The following EIF2B4 variants were observed in gnomAD, a reference collection of about 807,000 sequenced individuals.
EIF2B4 encodes eukaryotic translation initiation factor 2B subunit delta.
Under a neutral mutation model 66.7 loss-of-function variants are expected in EIF2B4, and 34 were observed. That is an observed-to-expected ratio of 0.51 (90% CI 0.39 to 0.68). The LOEUF (loss-of-function observed/expected upper bound fraction) is 0.68. Ranked by LOEUF, EIF2B4 falls within the 30% of genes least tolerant of loss-of-function variation. EIF2B4 has a pLI of 0.00. For missense variants in EIF2B4, 618 were observed against 657.9 expected, an observed-to-expected ratio of 0.94 and a Z score of 0.66; for synonymous variants, 278 against 253.6, an observed-to-expected ratio of 1.10 and a Z score of -0.92.
chr2:27,368,609 A>G (rs1194363349), intron 5 of EIF2B4, 45 bp downstream of exon 5: 1 of 1,611,490 alleles, frequency 6.2e-7, no homozygotes, highest in Non-Finnish European at 8.5e-7. Context: ...CCTCCAGTCC[A>G]TTTCCCTAGG....
chr2:27,367,883 TG>T (rs1157020816), intron 7 of EIF2B4, 61 bp from the exon 8 acceptor site: 3 of 1,560,474 alleles, frequency 1.9e-6, no homozygotes, highest in South Asian at 1.1e-5. Context: ...GAACGGGGGC[TG>T]GGGGTAAGCT....
intron 11 of EIF2B4, chr2:27,365,508 C>G (rs767499733): frequency 2.5e-4 from 38 of 154,596 alleles, no homozygotes; most frequent in Non-Finnish European, 4.0e-4. Flanking sequence ...TCCAGATTAG[C>G]TGGGACTACA....
At position 27,369,516 on chromosome 2, in the gene EIF2B4, G is replaced by T. The variant is rs759503915; in HGVS notation, c.109C>A (p.Leu37Met). The T allele has an allele frequency of 7.4e-6, 12 of 1,614,116 alleles. No homozygotes were observed. The highest frequency in any genetic ancestry group is 9.3e-6 in the Non-Finnish European group (11 of 1,180,036). ...VGREMTKEEK[L>M]QLRKEKKQQK... The stretch of plus-strand genomic sequence containing the variant: ...TGTTTCTTTTCCTTCCGAAGCTGCA[G>T]CTTTTCTTCTTTGGTCATTTCCCTC... The change falls in exon 3 of 13, where the codon CTG becomes ATG. Residue 37 changes from leucine (L) to methionine (M), a missense_variant. By Grantham distance (15) the Leu-to-Met change is conservative. Around this residue, in one of 4 missense-constraint regions of EIF2B4, gnomAD observed 506 missense variants for 511.9 expected, o/e 0.99. Transcript: ENST00000347454.
In EIF2B4 at chr2:27,368,489, A is replaced by G. The variant is rs547695043; in HGVS notation, c.499-26T>C. Reference sequence around the variant, plus strand: ...CTTGACAAAACAAGGGAACAGGACCAATGGCCCAGAGTTTAAAAAGGATGG... The same window carrying G: ...CTTGACAAAACAAGGGAACAGGACCGATGGCCCAGAGTTTAAAAAGGATGG... On this transcript the variant is annotated intron_variant, in intron 5 of 12. Coordinates refer to ENST00000347454, the MANE Select transcript of EIF2B4 (RefSeq NM_001034116.2). 2.2e-5 allele frequency: 35 copies of G among 1,598,540 alleles called. No individual in the cohort carries two copies. In the South Asian group the frequency reaches 3.4e-4, roughly 16 times the overall value.
rs78599355 is a variant in EIF2B4 at position 27,367,171 on chromosome 2, G to C, written c.916C>G (p.Arg306Gly). 0.023 allele frequency: 37,110 copies of C among 1,614,070 alleles called. 539 individuals carry two copies. The highest frequency in any genetic ancestry group is 0.027 in the Non-Finnish European group (32,374 of 1,180,008). ...AGCACAATCTTCTCTTGCACATACC[G>C]ATCAATGGCTGCTCGAAGTTCTGAC... Reference protein sequence around the residue: ...AKSELRAAIDRYVQEKIVLAA... With the variant: ...AKSELRAAIDGYVQEKIVLAA... The change falls in exon 10 of 13, where the codon CGG becomes GGG. Residue 306 changes from arginine to glycine, a missense_variant. By Grantham distance (125) the Arg-to-Gly change is moderately radical. Transcript: ENST00000347454.
chr2:27,366,651 C>T (rs1002749615), intron 11 of EIF2B4, 108 bp downstream of exon 11: 14 of 1,377,126 alleles, frequency 1.0e-5, no homozygotes, highest in Admixed American at 5.1e-5. Context: ...TGCACTCCAT[C>T]CTTATCTCAA....
chr2:27,368,575 A>T (rs1682041586), intron 5 of EIF2B4, 79 bp downstream of exon 5: 1 of 1,584,254 alleles, frequency 6.3e-7, no homozygotes, highest in Non-Finnish European at 8.7e-7. Context: ...TATCCTTCTC[A>T]CTTTGCACCC....
chr2:27,365,317 C>T (rs1245500548), intron 11 of EIF2B4, among the ~76,000 whole-genome samples: 1 of 151,196 alleles, frequency 6.6e-6, no homozygotes, highest in Admixed American at 6.6e-5. Context: ...CTGCCCGCCT[C>T]AGCCACCCAA....
chr2:27,369,681 A>C, intron 2 of EIF2B4, 132 bp from the exon 3 acceptor site: 1 of 1,535,574 alleles, frequency 6.5e-7, no homozygotes, highest in Non-Finnish European at 9.0e-7. Context: ...ACCTGTTGCA[A>C]GCTTACATCC....
chr2:27,370,133 G>T (rs141681782), intron 1 of EIF2B4, 151 bp downstream of exon 1: 2 of 1,524,878 alleles, frequency 1.3e-6, no homozygotes, highest in Admixed American at 4.1e-5. Context: ...GCCGGTGCGC[G>T]GCGCGGGACT....
intron 11 of EIF2B4, 149 bp from the exon 12 acceptor site, chr2:27,365,047 T>G (rs781646179): frequency 3.1e-5 from 24 of 778,088 alleles, no homozygotes; most frequent in Non-Finnish European, 4.1e-5. Flanking sequence ...AGACAACAAG[T>G]AATAAATCTT....
At chr2:27,369,941 A>C (rs756905597) in intron 1 of EIF2B4, 22 bp from the exon 2 acceptor site, 7 of 1,573,084 alleles carry the variant, frequency 4.4e-6, no homozygotes, top group Non-Finnish European at 8.6e-7. Context: ...AACAGGGCAC[A>C]AAGTGAGCCA....
chr2:27,364,544 CCA>C lies in EIF2B4; in HGVS notation c.1426_1427del (p.Trp476AlafsTer14). The C allele has an allele frequency of 6.2e-7, 1 of 1,614,172 alleles. No homozygotes were observed. The highest frequency in any genetic ancestry group is 8.5e-7 in the Non-Finnish European group (1 of 1,180,042). ...KRGEHVALAN[W>X]QNHASLRLLN... is the part of the protein sequence containing the mutation. Reference sequence around the variant, plus strand: ...ACAACCGTAGGGATGCGTGGTTCTGCCAGTTAGCCAGCGCAACATGTTCTCCC... The same window carrying C: ...ACAACCGTAGGGATGCGTGGTTCTGCGTTAGCCAGCGCAACATGTTCTCCC... On this transcript the variant is annotated frameshift_variant, in exon 13 of 13. Coordinates refer to ENST00000347454, the MANE Select transcript of EIF2B4 (RefSeq NM_001034116.2). LOFTEE classifies it high-confidence loss of function.
rs772479767 is a variant in EIF2B4 at position 27,364,495 on chromosome 2, G to A, written c.1477C>T (p.Pro493Ser). 1.5e-5 allele frequency: 24 copies of A among 1,614,078 alleles called. No homozygotes were observed. The highest frequency in any genetic ancestry group is 1.9e-5 in the Non-Finnish European group (23 of 1,180,044). ...ATCACCAGATCCACAAGCTCTGGGG[G>A]AGTCACATCATAGACTAGATTCAAC... is the stretch of plus-strand genomic sequence containing the variant. ...RLLNLVYDVT[P>S]PELVDLVITE... The change falls in exon 13 of 13, where the codon CCC becomes TCC. Residue 493 changes from proline to serine, a missense_variant. By Grantham distance (74) the Pro-to-Ser change is moderately conservative. This residue lies in a region of EIF2B4 where 63 missense variants were observed against 47.5 expected (regional missense o/e 1.33). Coordinates refer to ENST00000347454, the MANE Select transcript of EIF2B4 (RefSeq NM_001034116.2).
rs770388291 is a variant in EIF2B4, at chr2:27,369,496, C to G, written c.129G>C (p.Lys43Asn). Residue 43 changes from lysine (K) to asparagine (N), a missense_variant, in exon 3 of 13, where the codon AAG becomes AAC. By Grantham distance (94) the Lys-to-Asn change is moderately conservative. This residue lies in a region of EIF2B4 where 506 missense variants were observed against 511.9 expected (regional missense o/e 0.99). Coordinates refer to ENST00000347454, the MANE Select transcript of EIF2B4 (RefSeq NM_001034116.2). ...CCTTCCGTTTCTTCTTCTGCTGTTTCTTTTCCTTCCGAAGCTGCAGCTTTT... is the reference window on the plus strand; with the variant it reads ...CCTTCCGTTTCTTCTTCTGCTGTTTGTTTTCCTTCCGAAGCTGCAGCTTTT... ...KEEKLQLRKE[K>N]KQQKKKRKEE... The G allele has an allele frequency of 8.7e-6, 14 of 1,614,190 alleles. No homozygotes were observed. Among genetic ancestry groups the G allele is most frequent in the Non-Finnish European group, 1.1e-5 (13 of 1,180,030 alleles).
chr2:27,367,607 T>C (rs1271031252), intron 8 of EIF2B4, 48 bp from the exon 9 acceptor site: 1 of 1,605,324 alleles, frequency 6.2e-7, no homozygotes, highest in East Asian at 2.2e-5. Flanking sequence ...CTTCACAACT[T>C]ACAAAGCCTT....
chr2:27,366,624 A>G, intron 11 of EIF2B4, 135 bp downstream of exon 11: 1 of 1,030,350 alleles, frequency 9.7e-7, no homozygotes, highest in Admixed American at 1.9e-5. Context: ...GACTGCAGTG[A>G]GCTGTGATCA....
intron 1 of EIF2B4, 66 bp from the exon 2 acceptor site, chr2:27,369,985 C>T: frequency 3.2e-6 from 5 of 1,542,472 alleles, no homozygotes; most frequent in Non-Finnish European, 4.4e-6. Flanking sequence ...GGCACGAGTA[C>T]TCGGCGCAGC....
intron 2 of EIF2B4, 143 bp downstream of exon 2, chr2:27,369,733 C>A: frequency 7.0e-7 from 1 of 1,436,762 alleles, no homozygotes; most frequent in Non-Finnish European, 9.5e-7. Context: ...AATCATATAT[C>A]CCTAGGGTTG....
Sources: gnomAD v4.1 joint callset for allele counts (sites outside exome capture counted in the v4.1 genomes callset) on GRCh38, gnomAD v4.1.1 for gene constraint, gnomAD v4.1.1 regional missense constraint, MANE v1.5 for transcripts, NCBI Gene and HGNC (gene_info 2026-07-23, HGNC 2026-07-21) for gene names.